DRC11: variants seen among roughly 807,000 people sequenced by gnomAD.
The protein encoded by DRC11 is dynein regulatory complex subunit 11, also known as IQ and AAA domain-containing protein 1.
the DRC11 span, among the ~76,000 whole-genome samples, chr2:236,351,708 C>T: frequency 6.6e-6 from 1 of 151,994 alleles, no homozygotes; most frequent in Non-Finnish European, 1.5e-5. This position sits in a 1 kb window ranked among gnomAD's most constrained non-coding sequence, Gnocchi z 7.3. Flanking sequence ...GGACAAGGCC[C>T]AGGCAGGGAG....
chr2:236,345,392 A>G, the DRC11 span, among the ~76,000 whole-genome samples: 1 of 151,770 alleles, frequency 6.6e-6, no homozygotes, highest in South Asian at 2.1e-4. Flanking sequence ...CTGCTCTAGG[A>G]CCTCAACATC....
the DRC11 span, chr2:236,409,191 T>C: frequency 4.4e-6 from 1 of 229,836 alleles, no homozygotes. Context: ...ACTGCAGCCT[T>C]CCTCCCAGGC....
At chr2:236,384,926 C>G in the DRC11 span, among the ~76,000 whole-genome samples, 1 of 151,540 alleles carries the variant, frequency 6.6e-6, no homozygotes, top group East Asian at 1.9e-4. Flanking sequence ...GAATCCTTTC[C>G]CCATTGCTTG....
the DRC11 span, among the ~76,000 whole-genome samples, chr2:236,357,447 T>G: frequency 7.9e-6 from 1 of 126,556 alleles, no homozygotes; most frequent in African/African-American, 3.1e-5. Context: ...TGTATATTTA[T>G]AAATTATATA....
the DRC11 span, chr2:236,368,255 T>G: frequency 5.3e-5 from 86 of 1,610,042 alleles, no homozygotes; most frequent in East Asian, 1.7e-3. Flanking sequence ...AGGGCATGGG[T>G]TCTATGGACA....
the DRC11 span, among the ~76,000 whole-genome samples, chr2:236,400,786 C>T: frequency 7.2e-5 from 11 of 152,102 alleles, no homozygotes; most frequent in East Asian, 1.9e-4. This position sits in a 1 kb window ranked among gnomAD's most constrained non-coding sequence, Gnocchi z 7.9. Context: ...GGCCTGAACA[C>T]GGTGCCCCCA....
chr2:236,341,320 C>A, the DRC11 span, among the ~76,000 whole-genome samples: 1 of 152,322 alleles, frequency 6.6e-6, no homozygotes, highest in African/African-American at 2.4e-5. Context: ...AAACAACTGA[C>A]TGAGCGCACT....
chr2:236,424,874 G>GC, the DRC11 span, among the ~76,000 whole-genome samples: 1 of 151,646 alleles, frequency 6.6e-6, no homozygotes, highest in Non-Finnish European at 1.5e-5. Flanking sequence ...AAGTTAAATT[G>GC]TTTTTTTAGA....
chr2:236,325,752 G>A, the DRC11 span, among the ~76,000 whole-genome samples: 2 of 152,082 alleles, frequency 1.3e-5, no homozygotes, highest in Non-Finnish European at 2.9e-5. This position sits in a 1 kb window ranked among gnomAD's most constrained non-coding sequence, Gnocchi z 4.4. Flanking sequence ...ACAGGCGTGC[G>A]CCACCACACC....
At chr2:236,434,859 G>GT in the DRC11 span, among the ~76,000 whole-genome samples, 1 of 152,166 alleles carries the variant, frequency 6.6e-6, no homozygotes, top group African/African-American at 2.4e-5. This position sits in a 1 kb window ranked among gnomAD's most constrained non-coding sequence, Gnocchi z 5.5. Flanking sequence ...GACACAACTT[G>GT]TGCCTGGCAA....
the DRC11 span, among the ~76,000 whole-genome samples, chr2:236,356,690 C>A: frequency 6.6e-6 from 1 of 151,822 alleles, no homozygotes; most frequent in South Asian, 2.1e-4. Flanking sequence ...TTAGCATGTG[C>A]CTGACTCCAG....
chr2:236,442,646 G>A, the DRC11 span, among the ~76,000 whole-genome samples: 2 of 152,110 alleles, frequency 1.3e-5, no homozygotes, highest in Admixed American at 6.5e-5. Context: ...ACTGGAAAAC[G>A]ATGCTTTGCA....
At chr2:236,453,490 A>G in the DRC11 span, among the ~76,000 whole-genome samples, 1 of 152,208 alleles carries the variant, frequency 6.6e-6, no homozygotes, top group Non-Finnish European at 1.5e-5. This position sits in a 1 kb window ranked among gnomAD's most constrained non-coding sequence, Gnocchi z 4.9. Flanking sequence ...GAATGGCTCT[A>G]TATCCAAAGA....
chr2:236,430,198 A>AACACACAC, the DRC11 span, among the ~76,000 whole-genome samples: 400 of 149,204 alleles, frequency 2.7e-3, 5 homozygotes, highest in East Asian at 0.051. This position sits in a 1 kb window ranked among gnomAD's most constrained non-coding sequence, Gnocchi z 6.0. Context: ...ATATACATAT[A>AACACACAC]ACACACACAC....
At chr2:236,444,862 A>T in the DRC11 span, among the ~76,000 whole-genome samples, 8 of 152,346 alleles carry the variant, frequency 5.3e-5, no homozygotes, top group East Asian at 1.5e-3. Context: ...CTGACATTCA[A>T]AGATGGCAGA....
At chr2:236,365,726 G>A in the DRC11 span, among the ~76,000 whole-genome samples, 1 of 152,054 alleles carries the variant, frequency 6.6e-6, no homozygotes, top group South Asian at 2.1e-4. The surrounding 1 kb of genome is among the most constrained non-coding windows in gnomAD (Gnocchi z 7.4). Flanking sequence ...ACCCAGAGAG[G>A]TGAAAAGGTT....
At chr2:236,357,576 A>G in the DRC11 span, among the ~76,000 whole-genome samples, 1 of 127,092 alleles carries the variant, frequency 7.9e-6, no homozygotes, top group Admixed American at 8.4e-5. Flanking sequence ...ATGCATAGTT[A>G]TATATTATAA....
the DRC11 span, among the ~76,000 whole-genome samples, chr2:236,317,504 C>G: frequency 1.4e-4 from 22 of 152,218 alleles, 1 homozygote; most frequent in African/African-American, 4.6e-4. The surrounding 1 kb of genome is among the most constrained non-coding windows in gnomAD (Gnocchi z 5.4). Context: ...AAGTTCAAAC[C>G]CAGCTAAAAG....
chr2:236,497,162 CG>C, the DRC11 span: 1 of 1,602,716 alleles, frequency 6.2e-7, no homozygotes, highest in South Asian at 1.1e-5. The surrounding 1 kb of genome is among the most constrained non-coding windows in gnomAD (Gnocchi z 5.1). Flanking sequence ...AGAGTGCTTA[CG>C]GGGGCCAGCT....
Sources: allele counts gnomAD v4.1 joint callset (sites outside exome capture counted in the v4.1 genomes callset), GRCh38; gene constraint gnomAD v4.1.1; non-coding constraint Gnocchi (gnomAD v3.1); transcripts MANE v1.5; gene names NCBI Gene and HGNC (gene_info 2026-07-23, HGNC 2026-07-21).